The following NECAB3 variants were observed in gnomAD, a reference collection of about 807,000 sequenced individuals.
The protein encoded by NECAB3 is N-terminal EF-hand calcium-binding protein 3.
Under a neutral mutation model 57.2 loss-of-function variants are expected in NECAB3, and 38 were observed. That is an observed-to-expected ratio of 0.66 (90% CI 0.51 to 0.87). The LOEUF is 0.87. Ranked by LOEUF, NECAB3 falls within the 40% of genes least tolerant of loss-of-function variation. NECAB3 has a pLI of 0.00. For synonymous variants in NECAB3, 223 were observed against 222.6 expected (o/e 1.00, Z -0.02); for missense variants, 474 against 527.5 (o/e 0.90, Z 0.99).
chr20:33,658,862 G>A (rs779644223), intron 8 of NECAB3, 28 bp from the exon 9 acceptor site: 3 of 1,565,692 alleles, frequency 1.9e-6, no homozygotes, highest in Non-Finnish European at 2.6e-6. Context: ...CGGTCAGCTG[G>A]TGCGGGGCCG....
chr20:33,658,700 C>G, intron 9 of NECAB3, 22 bp downstream of exon 9: 1 of 1,610,040 alleles, frequency 6.2e-7, no homozygotes, highest in African/African-American at 1.3e-5. Context: ...CTGGCCATCC[C>G]ACCTGCCAGC....
chr20:33,667,936 G>C (rs1160911652), intron 5 of NECAB3: 1 of 1,556,760 alleles, frequency 6.4e-7, no homozygotes, highest in Non-Finnish European at 8.7e-7. Flanking sequence ...GGCCTTCCGG[G>C]CGCTGCAGAA....
intron 5 of NECAB3, chr20:33,667,833 C>T (rs777699419): frequency 6.2e-7 from 1 of 1,611,122 alleles, no homozygotes; most frequent in African/African-American, 1.3e-5. Context: ...GTAACGGGTG[C>T]TGCGTCTGCC....
intron 8 of NECAB3, among the ~76,000 whole-genome samples, 192 bp downstream of exon 8, chr20:33,659,305 G>A (rs572864532): frequency 6.6e-6 from 1 of 152,246 alleles, no homozygotes; most frequent in Non-Finnish European, 1.5e-5. Flanking sequence ...CGGAAATGCT[G>A]ATGGGGAACC....
rs200372169 is a variant in NECAB3 at position 33,669,439 on chromosome 20, G to A, written c.323C>T (p.Pro108Leu). ...YFSEHLGVYR[P>L]VLAALESLNR... Reference sequence around the variant, plus strand: ...CAGCGATTCCAATGCAGCCAGCACCGGCCGGTAGACACCCAGGTGCTCTGA... The same window carrying A: ...CAGCGATTCCAATGCAGCCAGCACCAGCCGGTAGACACCCAGGTGCTCTGA... The change falls in exon 5 of 12, where the codon CCG (proline) becomes CTG (leucine). Residue 108 changes from proline to leucine, a missense_variant. By Grantham distance (98) the Pro-to-Leu change is moderately conservative. Transcript: ENST00000246190. The A allele has an allele frequency of 9.9e-5, 160 of 1,613,722 alleles. 1 individual carries two copies. Among genetic ancestry groups the A allele is most frequent in the Admixed American group, 6.7e-5 (4 of 60,018 alleles).
intron 5 of NECAB3, chr20:33,665,388 T>C (rs2017616832): frequency 1.3e-5 from 2 of 152,118 alleles, no homozygotes; most frequent in African/African-American, 2.4e-5. Context: ...GGCAGGGGAA[T>C]TGAACCCAGG....
At chr20:33,658,141 C>G in intron 10 of NECAB3, 108 bp from the exon 11 acceptor site, 1 of 983,172 alleles carries the variant, frequency 1.0e-6, no homozygotes, top group Non-Finnish European at 1.5e-6. Flanking sequence ...CCTCAGTCCT[C>G]TCCCCTGTGA....
Position 33,659,631 on chromosome 20 carries a change from GC to G in NECAB3, c.744del (p.His250ThrfsTer143). ...TACCAGGAGGGTCCTCCCTTGTGGG[GC>G]CCTGGCCCCACGGCCCTCACCTTGC... is the stretch of plus-strand genomic sequence containing the variant. ...LECKVRAVGP[G>X]PHKGGPSWYP... On this transcript the variant is annotated frameshift_variant, in exon 8 of 12. Coordinates refer to ENST00000246190, the MANE Select transcript of NECAB3 (RefSeq NM_031232.4). LOFTEE classifies it high-confidence loss of function. 6.2e-7 allele frequency: 1 copy of G among 1,610,364 alleles called. No individual in the cohort carries two copies. The highest frequency in any genetic ancestry group is 1.1e-5 in the South Asian group (1 of 90,742).
chr20:33,659,633 CCTGGCCCCACG>C lies in NECAB3; in HGVS notation c.732_742del (p.Val245AlafsTer36). 1 of 1,610,616 alleles carries C rather than the reference CCTGGCCCCACG, an allele frequency of 6.2e-7. No individual in the cohort carries two copies. Among genetic ancestry groups the C allele is most frequent in the Non-Finnish European group, 8.5e-7 (1 of 1,179,190 alleles). On this transcript the variant is annotated frameshift_variant, in exon 8 of 12. Coordinates refer to ENST00000246190, the MANE Select transcript of NECAB3 (RefSeq NM_031232.4). LOFTEE classifies it high-confidence loss of function. ...CCAGGAGGGTCCTCCCTTGTGGGGCCCTGGCCCCACGGCCCTCACCTTGCACTCGAGCTGGT... is the reference window on the plus strand; with the variant it reads ...CCAGGAGGGTCCTCCCTTGTGGGGCCGCCCTCACCTTGCACTCGAGCTGGT...
chr20:33,660,215 G>A lies in NECAB3; in HGVS notation c.524+44C>T. On this transcript the variant is annotated intron_variant, in intron 6 of 11. Transcript: ENST00000246190. The surrounding 1 kb of genome is among the most constrained non-coding windows in gnomAD (Gnocchi z 4.1). ...GGGATTTGGAATGGGGGTACAATGG[G>A]CGCTTGTGCACTAGCCCCACAGGTT... The A allele has an allele frequency of 6.3e-7, 1 of 1,595,944 alleles. No individual in the cohort carries two copies. Among genetic ancestry groups the A allele is most frequent in the South Asian group, 1.1e-5 (1 of 90,580 alleles).
At position 33,667,204 on chromosome 20, in the gene NECAB3, C is replaced by T. The variant is rs182954708; in HGVS notation, c.387+2171G>A. Reference sequence around the variant, plus strand: ...GGGCTTCGCGGGCGAGAACCAGCCGCGCATAGTGCTGAAGAGCTCTAGCTT... The same window carrying T: ...GGGCTTCGCGGGCGAGAACCAGCCGTGCATAGTGCTGAAGAGCTCTAGCTT... On this transcript the variant is annotated intron_variant, in intron 5 of 11. Transcript: ENST00000246190. 2.0e-3 allele frequency: 633 copies of T among 321,376 alleles called. 4 individuals are homozygous for T. Among genetic ancestry groups the T allele is most frequent in the African/African-American group, 0.013 (597 of 46,448 alleles). The allele number at this position is 321,376 out of a possible 1,614,324, so 19.9% of individuals were successfully genotyped here. A position where few individuals can be genotyped will look rare whatever the true frequency, so the allele number is the denominator to read the frequency against.
chr20:33,662,494 A>G, intron 5 of NECAB3: 1 of 1,547,480 alleles, frequency 6.5e-7, no homozygotes, highest in Non-Finnish European at 8.7e-7. Context: ...GATGGGGAGC[A>G]GGGCTGGGGA....
At chr20:33,673,412 G>C (rs573875226) in intron 1 of NECAB3, among the ~76,000 whole-genome samples, 2 of 152,328 alleles carry the variant, frequency 1.3e-5, no homozygotes, top group South Asian at 2.1e-4. Context: ...CAGCAAGCCA[G>C]GGAGGCCCAG....
chr20:33,668,013 T>C (rs749046923), intron 5 of NECAB3: 3 of 1,542,260 alleles, frequency 1.9e-6, no homozygotes, highest in Non-Finnish European at 2.6e-6. Context: ...CCACACTGTT[T>C]CCTGGCTTCG....
chr20:33,670,685 C>T lies in NECAB3; in HGVS notation c.262G>A (p.Asp88Asn), dbSNP rs1372801311. 11 of 1,612,242 alleles carry T rather than the reference C, an allele frequency of 6.8e-6. No individual in the cohort carries two copies. The highest frequency in any genetic ancestry group is 1.6e-4 in the Middle Eastern group (1 of 6,074). The change falls in exon 3 of 12, where the codon GAC becomes AAC. Residue 88 changes from aspartate (D) to asparagine (N), a missense_variant and splice_region_variant. Physicochemically the swap from Asp to Asn is conservative, Grantham distance 23 (BLOSUM62 1). Transcript: ENST00000246190. ...CCCACGGCCCCCTCTCATACTCACT[C>T]GGTGAGATGCCCATCAATGCCGCTG... ...LFSGIDGHLT[D>N]NLETEKLCDY...
intron 1 of NECAB3, among the ~76,000 whole-genome samples, chr20:33,673,725 G>C (rs1320543181): frequency 1.3e-5 from 2 of 152,176 alleles, no homozygotes; most frequent in Non-Finnish European, 2.9e-5. Context: ...AAAGGGCTCA[G>C]GGCCGTGGCT....
rs919813481 is a variant in NECAB3, at chr20:33,658,779, A to G, written c.935T>C (p.Phe312Ser). 3 of 1,613,244 alleles carry G rather than the reference A, an allele frequency of 1.9e-6. No individual in the cohort carries two copies. The African/African-American group carries it at 4.0e-5, about 22-fold the overall frequency. The change falls in exon 9 of 12, where the codon TTC becomes TCC. Residue 312 changes from phenylalanine to serine, a missense_variant. Coordinates refer to ENST00000246190, the MANE Select transcript of NECAB3 (RefSeq NM_031232.4). ...VQVAEEGLQD[F>S]HRALRCYVDF... ...CACATAGCAGCGCAGGGCTCGGTGG[A>G]AGTCCTGCAGGCCTTCCTCTGCCAC...
chr20:33,663,633 G>T, intron 5 of NECAB3: 1 of 1,608,126 alleles, frequency 6.2e-7, no homozygotes. Flanking sequence ...GCTCCCCGGC[G>T]GCACCCAGAT....
intron 5 of NECAB3, among the ~76,000 whole-genome samples, chr20:33,661,657 TTTTG>T (rs1433044125): frequency 6.6e-6 from 1 of 152,324 alleles, no homozygotes; most frequent in East Asian, 1.9e-4. Flanking sequence ...TCATTTAGTC[TTTTG>T]TTTTTCTGAG....
Sources: allele counts gnomAD v4.1 joint callset (sites outside exome capture counted in the v4.1 genomes callset), GRCh38; gene constraint gnomAD v4.1.1; non-coding constraint Gnocchi (gnomAD v3.1); transcripts MANE v1.5; gene names NCBI Gene and HGNC (gene_info 2026-07-23, HGNC 2026-07-21).